The following ITPR1 variants were observed in gnomAD, a reference collection of about 807,000 sequenced individuals.
ITPR1 encodes inositol 1,4,5-trisphosphate receptor type 1.
In ITPR1, 96 loss-of-function variants were observed where a neutral mutation model predicts 318.4. The observed-to-expected ratio is 0.30, with a 90% CI of 0.26 to 0.36. ITPR1 has a LOEUF of 0.36. ITPR1 is among the 10% of genes least tolerant of loss of function. The pLI is 1.00. For missense variants in ITPR1, 2,440 were observed against 3,460.2 expected, an observed-to-expected ratio of 0.71 and a Z score of 7.40; for synonymous variants, 1,312 against 1,289.9, an observed-to-expected ratio of 1.02 and a Z score of -0.37.
In ITPR1 at chr3:4,800,618, C is replaced by T. The variant is rs771340757; in HGVS notation, c.7107+18C>T. On this transcript the variant is annotated intron_variant, in intron 54 of 61. Coordinates refer to ENST00000649015, the MANE Select transcript of ITPR1 (RefSeq NM_001378452.1). ...CTTTCAATGTAAGTGTGAATACCTT[C>T]CTTGCCACTGTTTTGTTTGCAGATT... 8 of 1,610,632 alleles carry T rather than the reference C, an allele frequency of 5.0e-6. No homozygotes were observed. The highest frequency in any genetic ancestry group is 2.2e-5 in the South Asian group (2 of 90,842).
chr3:4,683,286 G>A, intron 26 of ITPR1, 100 bp from the exon 27 acceptor site: 1 of 1,141,000 alleles, frequency 8.8e-7, no homozygotes, highest in Non-Finnish European at 1.3e-6. Flanking sequence ...GGAGATCACA[G>A]TGCTAGAAAT....
chr3:4,833,509 T>C (rs899010025), intron 60 of ITPR1, among the ~76,000 whole-genome samples: 11 of 152,260 alleles, frequency 7.2e-5, no homozygotes, highest in African/African-American at 2.7e-4. Context: ...TTCATTTGCA[T>C]GTCAGTAATA....
intron 4 of ITPR1, among the ~76,000 whole-genome samples, chr3:4,604,672 G>A (rs897376938): frequency 6.6e-6 from 1 of 152,092 alleles, no homozygotes. Flanking sequence ...ATCTTAGCTG[G>A]GAAGGGGCCC....
chr3:4,788,196 A>T (rs960986904), intron 52 of ITPR1, 57 bp downstream of exon 52: 10 of 1,418,002 alleles, frequency 7.1e-6, no homozygotes, highest in Non-Finnish European at 9.7e-6. Context: ...GATTTCACAA[A>T]CTTGGGCTTG....
intron 4 of ITPR1, among the ~76,000 whole-genome samples, chr3:4,535,528 C>T (rs143127158): frequency 0.017 from 2,502 of 145,220 alleles, 29 homozygotes; most frequent in Middle Eastern, 0.054. Context: ...CTCCAAGCTC[C>T]GCCTCCTGGG....
chr3:4,825,619 T>A (rs1365386064), intron 60 of ITPR1: 1 of 421,238 alleles, frequency 2.4e-6, no homozygotes, highest in Admixed American at 2.7e-5. Context: ...TTATCTGTAT[T>A]TGATAAGATG....
At position 4,814,554 on chromosome 3, in the gene ITPR1, T is replaced by A. The variant is rs745852430; in HGVS notation, c.7693T>A (p.Ser2565Thr). The A allele has an allele frequency of 6.8e-7, 1 of 1,473,140 alleles. No homozygotes were observed. The highest frequency in any genetic ancestry group is 2.0e-5 in the Admixed American group (1 of 50,574). 91.3% of individuals were successfully genotyped at this position (1,473,140 alleles called of 1,614,324 possible). A position where few individuals can be genotyped will look rare whatever the true frequency, so the allele number is the denominator to read the frequency against. ...AGTAGGAGATGTACTCAGGAAGCCG[T>A]CCAAAGAGGTAAATTAATCCCGAGG... ...GGVGDVLRKP[S>T]KEEPLFAARV... Residue 2565 changes from serine to threonine, a missense_variant, in exon 58 of 62, where the codon TCC (serine) becomes ACC (threonine). Ser to Thr is a moderately conservative substitution (Grantham distance 58). Coordinates refer to ENST00000649015, the MANE Select transcript of ITPR1 (RefSeq NM_001378452.1).
chr3:4,737,017 A>AT (rs1352554512), intron 44 of ITPR1, among the ~76,000 whole-genome samples: 3 of 152,030 alleles, frequency 2.0e-5, no homozygotes, highest in Non-Finnish European at 4.4e-5. Context: ...AGACCTGGCC[A>AT]TTTTTTTCTG....
chr3:4,579,862 C>A (rs2089113808), intron 4 of ITPR1, among the ~76,000 whole-genome samples: 1 of 152,080 alleles, frequency 6.6e-6, no homozygotes, highest in Admixed American at 6.5e-5. Flanking sequence ...CATATTATAT[C>A]TGTATTGCAC....
intron 4 of ITPR1, among the ~76,000 whole-genome samples, chr3:4,537,109 C>A (rs1007670457): frequency 6.6e-6 from 1 of 152,162 alleles, no homozygotes; most frequent in African/African-American, 2.4e-5. Context: ...GGTTTCTTGT[C>A]CTGTCCTCTT....
chr3:4,683,247 G>T, intron 26 of ITPR1, 139 bp from the exon 27 acceptor site: 1 of 778,286 alleles, frequency 1.3e-6, no homozygotes, highest in East Asian at 2.4e-5. Context: ...ATTGTTAAAG[G>T]AGCTAATGAA....
intron 45 of ITPR1, 96 bp downstream of exon 45, chr3:4,766,806 C>A: frequency 1.0e-6 from 1 of 991,506 alleles, no homozygotes; most frequent in Non-Finnish European, 1.4e-6. Context: ...CTCTAAAATG[C>A]ATTATGATGG....
At chr3:4,738,043 G>A (rs4685808) in intron 44 of ITPR1, among the ~76,000 whole-genome samples, 144,891 of 152,202 alleles carry the variant, frequency 0.95, 69,369 homozygotes, top group East Asian at 1. Context: ...GGGGAACGAC[G>A]CCCACTGGGG....
Position 4,667,539 on chromosome 3 carries a change from A to G in ITPR1, c.1876A>G (p.Arg626Gly), listed in dbSNP as rs2125201991. Residue 626 changes from arginine (R) to glycine (G), a missense_variant, in exon 18 of 62, where the codon AGG (arginine) becomes GGG (glycine). This residue lies in a region of ITPR1 where 478 missense variants were observed against 696.3 expected (regional missense o/e 0.69). Transcript: ENST00000649015. ...DTFVSLVRKNREPRFLDYLSD... is the reference protein window; with the variant it reads ...DTFVSLVRKNGEPRFLDYLSD... ...ATTTGTCAGCCTGGTGCGAAAGAAC[A>G]GGGAGCCCAGGTGAGGCGGGAGTGG... is the stretch of plus-strand genomic sequence containing the variant. The G allele has an allele frequency of 2.5e-6, 4 of 1,612,882 alleles. No individual in the cohort carries two copies. The highest frequency in any genetic ancestry group is 3.4e-6 in the Non-Finnish European group (4 of 1,179,366).
chr3:4,516,664 T>C lies in ITPR1; in HGVS notation c.92+81T>C, dbSNP rs550392909. ...GCTTAAAACTGTGATTTTTCTAACA[T>C]AAGAACGTCACCGTTTTACTTGGCT... On this transcript the variant is annotated intron_variant, in intron 3 of 61. Transcript: ENST00000649015. The C allele has an allele frequency of 1.3e-5, 11 of 869,068 alleles. 1 individual carries two copies. The African/African-American group carries it at 1.7e-4, about 14-fold the overall frequency. 53.8% of individuals were successfully genotyped at this position (869,068 alleles called of 1,614,324 possible). A position where few individuals can be genotyped will look rare whatever the true frequency, so the allele number is the denominator to read the frequency against.
Position 4,775,373 on chromosome 3 carries a change from T to C in ITPR1, c.6111T>C (p.Asn2037=), listed in dbSNP as rs6442905. The C allele has an allele frequency of 0.97, 1,567,201 of 1,613,740 alleles. 761,111 individuals carry two copies. The highest frequency in any genetic ancestry group is 0.99 in the East Asian group (44,372 of 44,888). ...GLLGLYINEK[N]VALINQTLES... is the part of the protein sequence containing the mutation. ...TGGGCTTGTATATAAATGAAAAGAA[T>C]GTAGCGCTTATCAACCAAACCCTGG... Residue 2037 remains asparagine (N), a synonymous_variant, in exon 47 of 62, where the codon AAT becomes AAC. Transcript: ENST00000649015.
chr3:4,810,721 GA>G (rs1005530398), intron 55 of ITPR1, among the ~76,000 whole-genome samples: 1 of 152,208 alleles, frequency 6.6e-6, no homozygotes, highest in African/African-American at 2.4e-5. Flanking sequence ...AGGAAATGGA[GA>G]CTCAGAGGGG....
At chr3:4,684,477 GAGCTCAGAGGTTA>G (rs1489145839) in intron 29 of ITPR1, 131 bp downstream of exon 29, 7 of 667,522 alleles carry the variant, frequency 1.0e-5, no homozygotes, top group Non-Finnish European at 1.9e-5. Context: ...GGAGAAAGTA[GAGCTCAGAGGTTA>G]AGCTCATGGG....
At chr3:4,682,584 T>A (rs1433198297) in intron 26 of ITPR1, among the ~76,000 whole-genome samples, 3 of 152,200 alleles carry the variant, frequency 2.0e-5, no homozygotes, top group African/African-American at 7.2e-5. Context: ...TGGAAGATGT[T>A]TTTCTGAAAC....
Sources: allele counts gnomAD v4.1 joint callset (sites outside exome capture counted in the v4.1 genomes callset), GRCh38; gene constraint gnomAD v4.1.1; regional missense constraint gnomAD v4.1.1; transcripts MANE v1.5; gene names NCBI Gene and HGNC (gene_info 2026-07-23, HGNC 2026-07-21).